Variants in WDFY2 observed in about 807,000 individuals in gnomAD.
WDFY2 encodes the protein WD repeat and FYVE domain-containing protein 2.
WDFY2 carries 36 observed loss-of-function variants against 56.4 expected under a neutral mutation model. That is an observed-to-expected ratio of 0.64 (90% CI 0.49 to 0.84). WDFY2 has a LOEUF of 0.84. WDFY2 is among the 40% of genes least tolerant of loss of function. The pLI is 0.00. For missense variants in WDFY2, 444 were observed against 512.2 expected, an observed-to-expected ratio of 0.87 and a Z score of 1.29; for synonymous variants, 176 against 183.7, an observed-to-expected ratio of 0.96 and a Z score of 0.34.
chr13:51,731,757 C>G (rs1393167213), intron 6 of WDFY2, among the ~76,000 whole-genome samples: 1 of 152,182 alleles, frequency 6.6e-6, no homozygotes, highest in Non-Finnish European at 1.5e-5. Context: ...AATGAACACC[C>G]TAAAGTTAAC....
intron 1 of WDFY2, among the ~76,000 whole-genome samples, chr13:51,648,114 G>A (rs1331661553): frequency 6.6e-6 from 1 of 152,184 alleles, no homozygotes; most frequent in Admixed American, 6.5e-5. Context: ...TTGTAACTGA[G>A]GCAGGCACTG....
intron 5 of WDFY2, among the ~76,000 whole-genome samples, chr13:51,721,605 A>C (rs1262368018): frequency 6.6e-6 from 1 of 151,992 alleles, no homozygotes; most frequent in Admixed American, 6.6e-5. Context: ...ATTGGGTATC[A>C]GAAGCCTGTG....
rs921155936 is a variant in WDFY2, at chr13:51,763,470, T to C, written c.*3701T>C. 3 of 152,238 alleles carry C rather than the reference T, an allele frequency of 2.0e-5. No homozygotes were observed. Among genetic ancestry groups the C allele is most frequent in the African/African-American group, 7.2e-5 (3 of 41,452 alleles). The allele number at this position is 152,238 out of a possible 1,614,324, so 9.4% of individuals were successfully genotyped here. A position where few individuals can be genotyped will look rare whatever the true frequency, so the allele number is the denominator to read the frequency against. On this transcript the variant is annotated 3_prime_UTR_variant, in exon 12 of 12. Transcript: ENST00000298125. ...TCCCAGGCTTACAGCACTGCCCTTATGGAATATCACATTTTCATTTTCTGA... is the reference window on the plus strand; with the variant it reads ...TCCCAGGCTTACAGCACTGCCCTTACGGAATATCACATTTTCATTTTCTGA...
Position 51,751,373 on chromosome 13 carries a change from T to C in WDFY2, c.789T>C (p.Asp263=), listed in dbSNP as rs552988813. The C allele has an allele frequency of 6.2e-7, 1 of 1,614,032 alleles. No individual in the cohort carries two copies. Among genetic ancestry groups the C allele is most frequent in the East Asian group, 2.2e-5 (1 of 44,874 alleles). ...GACAATTGATCTCCTGTGGCGGTGATGGTGGGATTGTCGTCTGGAACATGG... is the reference window on the plus strand; with the variant it reads ...GACAATTGATCTCCTGTGGCGGTGACGGTGGGATTGTCGTCTGGAACATGG... ...HTRQLISCGG[D]GGIVVWNMDV... The change falls in exon 8 of 12, where the codon GAT becomes GAC. Residue 263 remains aspartate, a synonymous_variant. Coordinates refer to ENST00000298125, the MANE Select transcript of WDFY2 (RefSeq NM_052950.4).
chr13:51,624,265 A>G (rs1484658138), intron 1 of WDFY2, among the ~76,000 whole-genome samples: 3 of 152,190 alleles, frequency 2.0e-5, no homozygotes, highest in Non-Finnish European at 4.4e-5. Flanking sequence ...CTGATTATTT[A>G]TAGTTAAATA....
At chr13:51,686,145 A>G (rs1956059723) in intron 3 of WDFY2, among the ~76,000 whole-genome samples, 1 of 152,122 alleles carries the variant, frequency 6.6e-6, no homozygotes, top group East Asian at 1.9e-4. Context: ...GGTGGGGTTG[A>G]GGTATGAACT....
At chr13:51,649,877 T>A (rs199756802) in intron 1 of WDFY2, among the ~76,000 whole-genome samples, 1 of 151,646 alleles carries the variant, frequency 6.6e-6, no homozygotes, top group African/African-American at 2.4e-5. Flanking sequence ...GTTCTTTTGG[T>A]TTAGGATTGA....
intron 7 of WDFY2, among the ~76,000 whole-genome samples, chr13:51,748,097 A>G (rs1206234958): frequency 6.6e-6 from 1 of 151,980 alleles, no homozygotes. Flanking sequence ...GTCTTTATCT[A>G]TAGAGCCCAC....
At chr13:51,694,533 GT>G (rs1341250124) in intron 3 of WDFY2, among the ~76,000 whole-genome samples, 3 of 152,192 alleles carry the variant, frequency 2.0e-5, no homozygotes, top group Non-Finnish European at 2.9e-5. Context: ...CTGGCTTATA[GT>G]TTCTGCCCAG....
intron 2 of WDFY2, among the ~76,000 whole-genome samples, chr13:51,672,097 G>A (rs1322812472): frequency 6.6e-6 from 1 of 152,052 alleles, no homozygotes; most frequent in Non-Finnish European, 1.5e-5. Context: ...ATTTGCTTTT[G>A]GGTTCTTGGT....
intron 6 of WDFY2, among the ~76,000 whole-genome samples, chr13:51,728,546 G>A (rs1459893364): frequency 6.6e-6 from 1 of 152,056 alleles, no homozygotes; most frequent in Non-Finnish European, 1.5e-5. Context: ...CCATGATTTT[G>A]TGTAAAACAG....
chr13:51,724,231 C>CTTTTTTTTTTT (rs529903671), intron 5 of WDFY2, among the ~76,000 whole-genome samples: 1 of 108,016 alleles, frequency 9.3e-6, no homozygotes, highest in African/African-American at 3.7e-5. Context: ...TCTTTTTTAA[C>CTTTTTTTTTTT]TTTTTTTTTT....
At chr13:51,721,030 A>C (rs1054719241) in intron 5 of WDFY2, among the ~76,000 whole-genome samples, 13 of 151,998 alleles carry the variant, frequency 8.6e-5, no homozygotes, top group Non-Finnish European at 1.9e-4. Flanking sequence ...GGATGTGTTA[A>C]TTAATTTGAC....
intron 7 of WDFY2, among the ~76,000 whole-genome samples, chr13:51,745,738 TAA>T (rs34880965): frequency 0.12 from 10,235 of 86,022 alleles, 629 homozygotes; most frequent in South Asian, 0.16. Flanking sequence ...ATCCTTCATT[TAA>T]AAAAAAAAAA....
At chr13:51,708,767 G>T (rs1476493713) in intron 4 of WDFY2, among the ~76,000 whole-genome samples, 1 of 152,118 alleles carries the variant, frequency 6.6e-6, no homozygotes, top group Non-Finnish European at 1.5e-5. Flanking sequence ...TAAACTATAA[G>T]AAGTGTGTTT....
At chr13:51,748,173 C>T (rs913990175) in intron 7 of WDFY2, among the ~76,000 whole-genome samples, 1 of 152,150 alleles carries the variant, frequency 6.6e-6, no homozygotes, top group Non-Finnish European at 1.5e-5. Flanking sequence ...CCCCGACTGC[C>T]AAAACTGTTT....
chr13:51,650,026 G>C (rs1445647491), intron 1 of WDFY2, among the ~76,000 whole-genome samples: 1 of 151,890 alleles, frequency 6.6e-6, no homozygotes, highest in Non-Finnish European at 1.5e-5. Context: ...CCATTATCAC[G>C]ATATTGATTC....
At chr13:51,657,743 T>C (rs1955537696) in intron 1 of WDFY2, among the ~76,000 whole-genome samples, 1 of 152,234 alleles carries the variant, frequency 6.6e-6, no homozygotes, top group South Asian at 2.1e-4. Context: ...TGAGCCTCAT[T>C]ATGGAATTTT....
intron 2 of WDFY2, among the ~76,000 whole-genome samples, chr13:51,668,834 C>T (rs1318652953): frequency 6.6e-6 from 1 of 152,116 alleles, no homozygotes; most frequent in African/African-American, 2.4e-5. Flanking sequence ...GATTGAAATC[C>T]GCAGCTTAAC....
Sources: gnomAD v4.1 joint callset for allele counts (sites outside exome capture counted in the v4.1 genomes callset) on GRCh38, gnomAD v4.1.1 for gene constraint, MANE v1.5 for transcripts, NCBI Gene and HGNC (gene_info 2026-07-23, HGNC 2026-07-21) for gene names.